The following FAM193B variants were observed in gnomAD, a reference collection of about 807,000 sequenced individuals.
FAM193B encodes family with sequence similarity 193 member B, also known as protein FAM193B.
FAM193B carries 27 observed loss-of-function variants against 70.7 expected under a neutral mutation model. The observed-to-expected ratio is 0.38, with a 90% confidence interval of 0.28 to 0.53. FAM193B has a LOEUF of 0.53. FAM193B is among the 20% of genes least tolerant of loss of function. The probability of loss-of-function intolerance (pLI) is 0.81; values close to 1 mark genes in which losing one functional copy is unlikely to be tolerated. For missense variants in FAM193B, 1,022 were observed against 1,072.5 expected, an observed-to-expected ratio of 0.95 and a Z score of 0.66; for synonymous variants, 448 against 436.0, an observed-to-expected ratio of 1.03 and a Z score of -0.34.
At chr5:177,548,105 C>T (rs1434592082) in intron 1 of FAM193B, among the ~76,000 whole-genome samples, 1 of 152,102 alleles carries the variant, frequency 6.6e-6, no homozygotes, top group Non-Finnish European at 1.5e-5. Context: ...TTTTTCTTCT[C>T]TTTTTTTTAG....
Position 177,532,646 on chromosome 5 carries a change from T to C in FAM193B, c.1077-5A>G. On this transcript the variant is annotated splice_region_variant and splice_polypyrimidine_tract_variant and intron_variant, in intron 4 of 8. Transcript: ENST00000514747. This position sits in a 1 kb window ranked among gnomAD's most constrained non-coding sequence, Gnocchi z 4.9. ...TGCCCCTTGCACCCGGGATCCCTGA[T>C]GATGGGGAGGAAGGCCCAGAGGTGA... 6.5e-7 allele frequency: 1 copy of C among 1,532,296 alleles called. No homozygotes were observed. 94.9% of individuals were successfully genotyped at this position (1,532,296 alleles called of 1,614,324 possible).
Position 177,532,398 on chromosome 5 carries a change from C to T in FAM193B, c.1275+45G>A, listed in dbSNP as rs994877806. On this transcript the variant is annotated intron_variant, in intron 5 of 8. Transcript: ENST00000514747. The surrounding 1 kb of genome is among the most constrained non-coding windows in gnomAD (Gnocchi z 4.9). ...AGAGCAGGGTGCTCCTTTTGCTCAC[C>T]TTGGCTGGCCCCCAGCCCTCTCTAG... is the stretch of plus-strand genomic sequence containing the variant. 6 of 1,573,664 alleles carry T rather than the reference C, an allele frequency of 3.8e-6. No individual in the cohort carries two copies. Among genetic ancestry groups the T allele is most frequent in the Non-Finnish European group, 4.3e-6 (5 of 1,162,914 alleles).
chr5:177,531,528 G>A, intron 5 of FAM193B: 3 of 1,283,408 alleles, frequency 2.3e-6, no homozygotes, highest in Non-Finnish European at 3.1e-6. Context: ...GTGGCTGGGG[G>A]TGGGGGGGAG....
At chr5:177,553,917 T>C in intron 1 of FAM193B, 1 of 1,215,946 alleles carries the variant, frequency 8.2e-7, no homozygotes, top group Non-Finnish European at 1.0e-6. Flanking sequence ...CCGGGGGAGG[T>C]GGCGGGCCGA....
chr5:177,522,705 GTTA>G (rs1761947568), intron 7 of FAM193B, among the ~76,000 whole-genome samples: 3 of 151,946 alleles, frequency 2.0e-5, no homozygotes, highest in African/African-American at 7.3e-5. Flanking sequence ...ATGCTATGTA[GTTA>G]TTATATTTTT....
At chr5:177,547,841 TGGA>T (rs1765648778) in intron 1 of FAM193B, among the ~76,000 whole-genome samples, 1 of 152,150 alleles carries the variant, frequency 6.6e-6, no homozygotes, top group Non-Finnish European at 1.5e-5. Context: ...GGGCCTTTGG[TGGA>T]GAATGAAGGG....
At chr5:177,522,205 G>C (rs1386253501) in intron 7 of FAM193B, 134 bp from the exon 8 acceptor site, 1 of 674,402 alleles carries the variant, frequency 1.5e-6, no homozygotes, top group Non-Finnish European at 2.6e-6. Flanking sequence ...TCAGGTGCTA[G>C]GGTTTAGCAG....
In FAM193B at chr5:177,532,750, C is replaced by T; in HGVS notation, c.1077-109G>A. On this transcript the variant is annotated intron_variant, in intron 4 of 8. Coordinates refer to ENST00000514747, the MANE Select transcript of FAM193B (RefSeq NM_001190946.3). This position sits in a 1 kb window ranked among gnomAD's most constrained non-coding sequence, Gnocchi z 4.9. ...ACCGCCCTTCACTTGCCCCACTCCA[C>T]AGAGGTCCCAGGTGGTCCAACTACA... is the stretch of plus-strand genomic sequence containing the variant. 9.4e-7 allele frequency: 1 copy of T among 1,067,574 alleles called. No homozygotes were observed. 66.1% of individuals were successfully genotyped at this position (1,067,574 alleles called of 1,614,324 possible).
At chr5:177,531,435 G>A in intron 5 of FAM193B, 1 of 1,363,198 alleles carries the variant, frequency 7.3e-7, no homozygotes, top group Non-Finnish European at 9.8e-7. Flanking sequence ...CCCCCTTCAT[G>A]GGCAGCTCCT....
intron 1 of FAM193B, among the ~76,000 whole-genome samples, chr5:177,544,072 G>C (rs163198): frequency 0.83 from 125,939 of 152,222 alleles, 54,297 homozygotes; most frequent in Non-Finnish European, 0.94. Flanking sequence ...AAAGTTCTGG[G>C]GGTTCTACTG....
At chr5:177,546,247 T>C (rs1163388866) in intron 1 of FAM193B, among the ~76,000 whole-genome samples, 1 of 152,250 alleles carries the variant, frequency 6.6e-6, no homozygotes, top group Non-Finnish European at 1.5e-5. Flanking sequence ...AAGCTCTTGC[T>C]GGTCAAGCTA....
intron 1 of FAM193B, chr5:177,553,741 T>C (rs1163217307): frequency 7.8e-7 from 1 of 1,287,770 alleles, no homozygotes; most frequent in Non-Finnish European, 1.0e-6. Flanking sequence ...CCAACTGCTC[T>C]GCTGGGTATG....
intron 7 of FAM193B, among the ~76,000 whole-genome samples, chr5:177,523,500 C>T (rs1006872536): frequency 6.6e-6 from 1 of 152,160 alleles, no homozygotes; most frequent in African/African-American, 2.4e-5. Context: ...CATTCTTACT[C>T]TTCAGGTTTC....
chr5:177,551,199 G>A (rs1046685743), intron 1 of FAM193B, among the ~76,000 whole-genome samples: 1 of 152,096 alleles, frequency 6.6e-6, no homozygotes, highest in South Asian at 2.1e-4. Flanking sequence ...AGGCTAAGCT[G>A]GGAATTCAAT....
chr5:177,541,634 T>C (rs1764876325), intron 1 of FAM193B, among the ~76,000 whole-genome samples: 1 of 152,316 alleles, frequency 6.6e-6, no homozygotes, highest in East Asian at 1.9e-4. Flanking sequence ...TTAGCCAGGA[T>C]GGTCTCAATC....
At position 177,547,288 on chromosome 5, in the gene FAM193B, T is replaced by TTATTTA. The variant is rs1461840150; in HGVS notation, c.210+6960_210+6961insTAAATA. 7.6e-4 allele frequency: 88 copies of TTATTTA among 115,654 alleles called. 1 individual carries two copies. Among genetic ancestry groups the TTATTTA allele is most frequent in the African/African-American group, 2.8e-3 (83 of 29,236 alleles). The allele number at this position is 115,654 out of a possible 1,614,324, so 7.2% of individuals were successfully genotyped here. A position where few individuals can be genotyped will look rare whatever the true frequency, so the allele number is the denominator to read the frequency against. On this transcript the variant is annotated intron_variant, in intron 1 of 8. Coordinates refer to ENST00000514747, the MANE Select transcript of FAM193B (RefSeq NM_001190946.3). The stretch of plus-strand genomic sequence containing the variant: ...ACTTGCCCAAACCAAATTTATTTCT[T>TTATTTA]TTTTTTTTTTTTTTGAGACGGAGTT...
intron 1 of FAM193B, among the ~76,000 whole-genome samples, chr5:177,549,319 A>T (rs1174253647): frequency 6.6e-6 from 1 of 151,032 alleles, no homozygotes; most frequent in Non-Finnish European, 1.5e-5. Context: ...CAGCCTCCAA[A>T]GTAGCTGGGA....
rs763237488 is a variant in FAM193B at position 177,525,038 on chromosome 5, A to T, written c.1443T>A (p.Thr481=). ...AGCTGGCACGGATGGAGTCTTTGACAGTGTTTTTGATCTCCTGCAGACGGC... is the reference window on the plus strand; with the variant it reads ...AGCTGGCACGGATGGAGTCTTTGACTGTGTTTTTGATCTCCTGCAGACGGC... ...LSSRLQEIKN[T]VKDSIRASFS... The change falls in exon 6 of 9, where the codon ACT becomes ACA. Residue 481 remains threonine (T), a synonymous_variant. Coordinates refer to ENST00000514747, the MANE Select transcript of FAM193B (RefSeq NM_001190946.3). 3 of 1,581,222 alleles carry T rather than the reference A, an allele frequency of 1.9e-6. No individual in the cohort carries two copies. The African/African-American group carries it at 4.1e-5, about 22-fold the overall frequency.
intron 1 of FAM193B, among the ~76,000 whole-genome samples, chr5:177,550,941 C>T (rs1449124868): frequency 3.3e-5 from 5 of 152,128 alleles, no homozygotes; most frequent in Non-Finnish European, 7.4e-5. Flanking sequence ...GCAATCCTCC[C>T]GCCTCAGCAT....
Sources: allele counts gnomAD v4.1 joint callset (sites outside exome capture counted in the v4.1 genomes callset), GRCh38; gene constraint gnomAD v4.1.1; non-coding constraint Gnocchi (gnomAD v3.1); transcripts MANE v1.5; gene names NCBI Gene and HGNC (gene_info 2026-07-23, HGNC 2026-07-21).